The following ZBTB20 variants were observed in gnomAD, a reference collection of about 807,000 sequenced individuals.
ZBTB20 encodes the protein zinc finger and BTB domain-containing protein 20.
In ZBTB20, 9 loss-of-function variants were observed where a neutral mutation model predicts 56.9. That is an observed-to-expected ratio of 0.16 (90% CI 0.10 to 0.28). ZBTB20 has a LOEUF of 0.28. Ranked by LOEUF, ZBTB20 falls within the 10% of genes least tolerant of loss-of-function variation. The pLI is 1.00. For missense variants in ZBTB20, 655 were observed against 1,003.0 expected (o/e 0.65, Z 4.69); for synonymous variants, 417 against 420.7 (o/e 0.99, Z 0.11).
Position 115,013,460 on chromosome 3 carries a change from C to G in ZBTB20, c.-506-39044G>C, listed in dbSNP as rs186403882. ...AAATGGATAAATTGCTAGACACATG[C>G]AAGCTACTAAAATTGAACCAGGAAC... On this transcript the variant is annotated intron_variant, in intron 2 of 11. Coordinates refer to ENST00000675478, the MANE Select transcript of ZBTB20 (RefSeq NM_001348800.3). Among the ~76,000 whole-genome samples the G allele has an allele frequency of 3.1e-4, 47 of 151,504 alleles. 1 individual carries two copies. The highest frequency in any genetic ancestry group is 1.1e-3 in the African/African-American group (47 of 41,306).
chr3:115,127,199 G>A (rs1416197407), intron 1 of ZBTB20, among the ~76,000 whole-genome samples: 2 of 152,170 alleles, frequency 1.3e-5, no homozygotes, highest in Non-Finnish European at 2.9e-5. Flanking sequence ...AAGATTGATT[G>A]AGACTATTCA....
chr3:115,059,581 T>C (rs1307698739), intron 2 of ZBTB20, among the ~76,000 whole-genome samples: 1 of 152,190 alleles, frequency 6.6e-6, no homozygotes, highest in Non-Finnish European at 1.5e-5. Flanking sequence ...CACAGTTTAA[T>C]ATTCAGCATT....
intron 6 of ZBTB20, among the ~76,000 whole-genome samples, chr3:114,510,344 C>G (rs1225315313): frequency 6.6e-6 from 1 of 152,106 alleles, no homozygotes; most frequent in Non-Finnish European, 1.5e-5. Context: ...TTTCTTGTTT[C>G]CAAAGGCAAT....
chr3:114,751,886 C>T (rs1053164343), intron 5 of ZBTB20, among the ~76,000 whole-genome samples: 23 of 151,974 alleles, frequency 1.5e-4, no homozygotes, highest in African/African-American at 5.1e-4. Flanking sequence ...ATCTCTGACC[C>T]GCTCTCAGTA....
chr3:115,146,234 A>T (rs1279510768), intron 1 of ZBTB20, among the ~76,000 whole-genome samples: 2 of 152,178 alleles, frequency 1.3e-5, no homozygotes, highest in African/African-American at 4.8e-5. Flanking sequence ...CCGTAGCTGT[A>T]CGCCATATTG....
chr3:115,023,691 T>C (rs2080298840), intron 2 of ZBTB20, among the ~76,000 whole-genome samples: 1 of 151,038 alleles, frequency 6.6e-6, no homozygotes, highest in South Asian at 2.1e-4. Context: ...TAATTCCTTG[T>C]AATCTGTCCA....
chr3:114,369,974 T>C (rs191664444), intron 10 of ZBTB20, among the ~76,000 whole-genome samples: 30 of 152,344 alleles, frequency 2.0e-4, no homozygotes, highest in African/African-American at 7.2e-4. Flanking sequence ...TGTGAAGTAA[T>C]AATACTTGTA....
intron 1 of ZBTB20, among the ~76,000 whole-genome samples, chr3:115,089,970 GTAAATA>G (rs2083127476): frequency 6.6e-6 from 1 of 151,794 alleles, no homozygotes; most frequent in Non-Finnish European, 1.5e-5. Context: ...AGGTGTGACA[GTAAATA>G]TATTTTAACA....
intron 6 of ZBTB20, among the ~76,000 whole-genome samples, chr3:114,645,620 G>C (rs970753908): frequency 1.3e-5 from 2 of 152,062 alleles, no homozygotes; most frequent in African/African-American, 4.8e-5. Flanking sequence ...TATTACTATT[G>C]GATTTTTCCC....
intron 10 of ZBTB20, among the ~76,000 whole-genome samples, chr3:114,377,530 C>T (rs922576700): frequency 6.6e-6 from 1 of 152,176 alleles, no homozygotes; most frequent in African/African-American, 2.4e-5. Context: ...AAGATGGTGG[C>T]TTACCCACCC....
At chr3:114,637,460 T>C (rs2059338886) in intron 6 of ZBTB20, among the ~76,000 whole-genome samples, 1 of 152,122 alleles carries the variant, frequency 6.6e-6, no homozygotes, top group South Asian at 2.1e-4. Context: ...CAGCCTCCAT[T>C]ACTTGCTCTA....
chr3:114,347,548 T>C (rs1388151705), intron 11 of ZBTB20, among the ~76,000 whole-genome samples: 1 of 152,204 alleles, frequency 6.6e-6, no homozygotes, highest in East Asian at 1.9e-4. Context: ...TTTTATGTTT[T>C]CCCTAGAAAT....
At chr3:115,129,607 G>C (rs777780999) in intron 1 of ZBTB20, among the ~76,000 whole-genome samples, 4 of 152,090 alleles carry the variant, frequency 2.6e-5, no homozygotes, top group Non-Finnish European at 5.9e-5. Context: ...AAATTACAAG[G>C]AGATAATTTC....
chr3:114,619,575 A>G (rs1204464955), intron 6 of ZBTB20, among the ~76,000 whole-genome samples: 2 of 152,132 alleles, frequency 1.3e-5, no homozygotes, highest in Admixed American at 6.5e-5. Flanking sequence ...TGTCAGCACA[A>G]TACCATCTAG....
chr3:114,577,029 ATAT>A (rs1372804822), intron 6 of ZBTB20, among the ~76,000 whole-genome samples: 1 of 152,180 alleles, frequency 6.6e-6, no homozygotes, highest in Non-Finnish European at 1.5e-5. Flanking sequence ...CAGGATTCAA[ATAT>A]TATTTCTGCT....
At chr3:114,800,306 C>T (rs1362174015) in intron 5 of ZBTB20, among the ~76,000 whole-genome samples, 1 of 151,406 alleles carries the variant, frequency 6.6e-6, no homozygotes, top group East Asian at 1.9e-4. Flanking sequence ...GTTTTCTTAC[C>T]CTGGGCGTCT....
intron 4 of ZBTB20, among the ~76,000 whole-genome samples, chr3:114,812,184 G>A (rs990506512): frequency 1.3e-5 from 2 of 152,112 alleles, no homozygotes; most frequent in Admixed American, 6.5e-5. Context: ...TGCTGGCTCC[G>A]GCAGCCTGCT....
chr3:114,933,102 A>G (rs1348348245), intron 3 of ZBTB20, among the ~76,000 whole-genome samples: 1 of 152,210 alleles, frequency 6.6e-6, no homozygotes, highest in African/African-American at 2.4e-5. Flanking sequence ...TAAAGCCATC[A>G]TAGTCATTCC....
chr3:114,640,358 G>A (rs914957362), intron 6 of ZBTB20, among the ~76,000 whole-genome samples: 1 of 152,100 alleles, frequency 6.6e-6, no homozygotes. Flanking sequence ...CCAGCATTCT[G>A]CTATCTCTTG....
Sources: allele counts gnomAD v4.1 joint callset (sites outside exome capture counted in the v4.1 genomes callset), GRCh38; gene constraint gnomAD v4.1.1; transcripts MANE v1.5; gene names NCBI Gene and HGNC (gene_info 2026-07-23, HGNC 2026-07-21).